The following NCS1 variants were observed in gnomAD, a reference collection of about 807,000 sequenced individuals.
The protein encoded by NCS1 is frequenin homolog.
Under a neutral mutation model 28.4 loss-of-function variants are expected in NCS1, and 6 were observed. The ratio of observed to expected loss-of-function variants is 0.21; its 90% CI spans 0.12 to 0.42. NCS1 has a LOEUF of 0.42. Among genes scored for constraint, NCS1 ranks in the 10% least tolerant of loss-of-function variants. NCS1 has a pLI of 1.00. For synonymous variants in NCS1, 86 were observed against 99.3 expected, an observed-to-expected ratio of 0.87 and a Z score of 0.79; for missense variants, 131 against 241.4, an observed-to-expected ratio of 0.54 and a Z score of 3.03.
intron 2 of NCS1, 134 bp from the exon 3 acceptor site, chr9:130,217,698 C>G: frequency 7.6e-7 from 1 of 1,318,858 alleles, no homozygotes; most frequent in South Asian, 1.2e-5. Context: ...CCTATCAAGT[C>G]CATGGCCCCA....
chr9:130,203,334 T>G (rs1832983288), intron 2 of NCS1, among the ~76,000 whole-genome samples: 1 of 152,038 alleles, frequency 6.6e-6, no homozygotes, highest in Admixed American at 6.6e-5. Context: ...CAGGCTGGTC[T>G]TGAACTCCTG....
intron 7 of NCS1, among the ~76,000 whole-genome samples, chr9:130,227,605 T>C (rs1395184798): frequency 2.0e-5 from 3 of 152,242 alleles, no homozygotes; most frequent in Non-Finnish European, 4.4e-5. Context: ...TTTGTGAGTA[T>C]GGAGTAATAA....
intron 1 of NCS1, among the ~76,000 whole-genome samples, chr9:130,182,470 C>T (rs999119575): frequency 6.6e-6 from 1 of 152,230 alleles, no homozygotes; most frequent in African/African-American, 2.4e-5. Context: ...TAGGATCCTT[C>T]CCGCTGGTTC....
intron 1 of NCS1, among the ~76,000 whole-genome samples, chr9:130,188,997 A>G (rs1470249192): frequency 3.3e-5 from 5 of 152,218 alleles, no homozygotes; most frequent in African/African-American, 4.8e-5. Flanking sequence ...GATTACAGGC[A>G]TGAGCCACTG....
chr9:130,214,478 A>G (rs781843150), intron 2 of NCS1, among the ~76,000 whole-genome samples: 9 of 152,316 alleles, frequency 5.9e-5, no homozygotes, highest in Non-Finnish European at 1.2e-4. Flanking sequence ...GCAGATGGAA[A>G]CTAAGAGGAG....
chr9:130,200,578 C>T (rs1186158100), intron 1 of NCS1: 2 of 1,551,608 alleles, frequency 1.3e-6, no homozygotes, highest in Non-Finnish European at 1.7e-6. Context: ...CCTTCCCTGA[C>T]ATCCCGTCCC....
intron 4 of NCS1, among the ~76,000 whole-genome samples, chr9:130,221,401 TATATATATATATAGAG>T (rs1433069040): frequency 0.013 from 571 of 44,964 alleles, 3 homozygotes; most frequent in African/African-American, 0.021. Flanking sequence ...TATATATATA[TATATATATATATAGAG>T]AGAGAGAGAG....
At chr9:130,201,020 C>T (rs1180651415) in intron 2 of NCS1, 38 bp downstream of exon 2, 15 of 1,613,578 alleles carry the variant, frequency 9.3e-6, no homozygotes, top group East Asian at 8.9e-5. Context: ...AGAGGGGCTG[C>T]GGCTGTGGGC....
At chr9:130,174,790 C>CAAACAAAAAAAAA (rs1832538900) in intron 1 of NCS1, among the ~76,000 whole-genome samples, 1 of 91,580 alleles carries the variant, frequency 1.1e-5, no homozygotes. Flanking sequence ...ACTCTGTCTC[C>CAAACAAAAAAAAA]AAAAAAAAAA....
intron 6 of NCS1, among the ~76,000 whole-genome samples, chr9:130,225,354 G>A (rs1833396699): frequency 1.3e-5 from 2 of 152,280 alleles, no homozygotes; most frequent in South Asian, 2.1e-4. Context: ...TGGTAGAGAC[G>A]TGCTGGCCTC....
chr9:130,178,957 CAG>C (rs1475524560), intron 1 of NCS1, among the ~76,000 whole-genome samples: 7 of 113,634 alleles, frequency 6.2e-5, no homozygotes, highest in African/African-American at 1.9e-4. Flanking sequence ...TTTTTTGAAA[CAG>C]AGTCTTACTC....
At position 130,209,311 on chromosome 9, in the gene NCS1, A is replaced by T. The variant is rs1469704530; in HGVS notation, c.89+8329A>T. On this transcript the variant is annotated intron_variant, in intron 2 of 7. Coordinates refer to ENST00000372398, the MANE Select transcript of NCS1 (RefSeq NM_014286.4). This position sits in a 1 kb window ranked among gnomAD's most constrained non-coding sequence, Gnocchi z 4.4. ...GCCTCCCAGCAGGATCCCAGAGGAC[A>T]TGAGTCTGCAGGAACTGAGAGTGGC... is the stretch of plus-strand genomic sequence containing the variant. Among the ~76,000 whole-genome samples the T allele has an allele frequency of 1.3e-5, 2 of 152,194 alleles. No individual in the cohort carries two copies. Among genetic ancestry groups the T allele is most frequent in the Non-Finnish European group, 1.5e-5 (1 of 68,040 alleles).
intron 1 of NCS1, among the ~76,000 whole-genome samples, chr9:130,176,194 C>CTTTCTTTCTTTCTTTCTTTA: frequency 2.0e-5 from 1 of 50,138 alleles, no homozygotes. Context: ...TTCTTTCTTT[C>CTTTCTTTCTTTCTTTCTTTA]TTTTTTTTTT....
chr9:130,200,848 A>G (rs1381281083), intron 1 of NCS1, 110 bp from the exon 2 acceptor site: 1 of 1,512,218 alleles, frequency 6.6e-7, no homozygotes, highest in African/African-American at 1.4e-5. Context: ...GCCCGGGGAC[A>G]TGGCCGTGGG....
intron 1 of NCS1, among the ~76,000 whole-genome samples, chr9:130,198,830 A>G (rs1272403373): frequency 5.3e-5 from 8 of 152,088 alleles, no homozygotes; most frequent in Admixed American, 5.2e-4. Context: ...TCCTGGCGGT[A>G]CTGTGATGGG....
chr9:130,225,020 C>T (rs145451545), intron 6 of NCS1, among the ~76,000 whole-genome samples: 2,021 of 152,136 alleles, frequency 0.013, 25 homozygotes, highest in Non-Finnish European at 0.022. Flanking sequence ...GATGAAACCC[C>T]GACTCTACAA....
In NCS1 at chr9:130,175,867, G is replaced by A. The variant is rs1041566809; in HGVS notation, c.64+3140G>A. Among the ~76,000 whole-genome samples the A allele has an allele frequency of 3.9e-5, 6 of 152,178 alleles. No homozygotes were observed. The highest frequency in any genetic ancestry group is 7.3e-5 in the Non-Finnish European group (5 of 68,040). Reference sequence around the variant, plus strand: ...GACAGTGGCAGTCAGCATTGCGGGCGGCCCAGTTTCTTTCAGGTCTGGCCC... The same window carrying A: ...GACAGTGGCAGTCAGCATTGCGGGCAGCCCAGTTTCTTTCAGGTCTGGCCC... On this transcript the variant is annotated intron_variant, in intron 1 of 7. Coordinates refer to ENST00000372398, the MANE Select transcript of NCS1 (RefSeq NM_014286.4). The surrounding 1 kb of genome is among the most constrained non-coding windows in gnomAD (Gnocchi z 4.9).
intron 1 of NCS1, among the ~76,000 whole-genome samples, chr9:130,199,897 G>GTTCATTCATTCA (rs71499223): frequency 0.24 from 36,011 of 150,512 alleles, 4,846 homozygotes; most frequent in East Asian, 0.59. Context: ...CTGTTCATGT[G>GTTCATTCATTCA]TTCATTCATT....
chr9:130,213,929 AG>A (rs1370478446), intron 2 of NCS1, among the ~76,000 whole-genome samples: 1 of 152,224 alleles, frequency 6.6e-6, no homozygotes, highest in African/African-American at 2.4e-5. Flanking sequence ...GGTCTCAGCC[AG>A]GGTCTCTGGA....
Sources: allele counts gnomAD v4.1 joint callset (sites outside exome capture counted in the v4.1 genomes callset), GRCh38; gene constraint gnomAD v4.1.1; non-coding constraint Gnocchi (gnomAD v3.1); transcripts MANE v1.5; gene names NCBI Gene and HGNC (gene_info 2026-07-23, HGNC 2026-07-21).